The following SGCZ variants were observed in gnomAD, a reference collection of about 807,000 sequenced individuals.
SGCZ encodes sarcoglycan zeta.
Under a neutral mutation model 41.3 loss-of-function variants are expected in SGCZ, and 40 were observed. That is an observed-to-expected ratio of 0.97 (90% CI 0.75 to 1.26). SGCZ has a LOEUF of 1.26. Ranked by LOEUF, SGCZ falls within the 50% of genes most tolerant of loss-of-function variation. The pLI is 0.00. For missense variants in SGCZ, 552 were observed against 369.8 expected (o/e 1.49, Z -4.04); for synonymous variants, 206 against 137.5 (o/e 1.50, Z -3.49).
chr8:15,221,831 GT>G (rs1360166205), intron 1 of SGCZ, among the ~76,000 whole-genome samples: 1 of 152,122 alleles, frequency 6.6e-6, no homozygotes, highest in African/African-American at 2.4e-5. Flanking sequence ...ACTGCATTTC[GT>G]TTTGTTCAGA....
At chr8:14,093,101 T>A (rs898438340) in intron 7 of SGCZ, among the ~76,000 whole-genome samples, 1 of 152,070 alleles carries the variant, frequency 6.6e-6, no homozygotes, top group African/African-American at 2.4e-5. Flanking sequence ...TCTCCAGCTG[T>A]TTCTTGTTTC....
chr8:14,315,702 T>C (rs1308522007), intron 3 of SGCZ, among the ~76,000 whole-genome samples: 1 of 151,600 alleles, frequency 6.6e-6, no homozygotes, highest in Non-Finnish European at 1.5e-5. Context: ...ACAGAAAATA[T>C]TGAAAACAGA....
intron 2 of SGCZ, among the ~76,000 whole-genome samples, chr8:14,330,635 A>C (rs1414872112): frequency 1.3e-5 from 2 of 152,008 alleles, no homozygotes; most frequent in East Asian, 1.9e-4. Flanking sequence ...ATTTAAAATG[A>C]CATTTGAAAT....
intron 1 of SGCZ, among the ~76,000 whole-genome samples, chr8:14,744,351 G>C (rs1347702228): frequency 6.6e-6 from 1 of 152,054 alleles, no homozygotes; most frequent in African/African-American, 2.4e-5. Context: ...CAGGTCTATA[G>C]GCCAGAACAC....
At chr8:14,315,603 TA>T (rs1180936668) in intron 3 of SGCZ, among the ~76,000 whole-genome samples, 1 of 151,840 alleles carries the variant, frequency 6.6e-6, no homozygotes, top group African/African-American at 2.4e-5. Flanking sequence ...TACTTATAAA[TA>T]AAAAAAGTCA....
intron 1 of SGCZ, among the ~76,000 whole-genome samples, chr8:14,647,686 T>A (rs915499343): frequency 3.3e-5 from 5 of 152,030 alleles, no homozygotes; most frequent in African/African-American, 9.7e-5. Flanking sequence ...ATAAATAATC[T>A]ACATTTTAAA....
At chr8:14,458,011 T>C (rs1346683127) in intron 2 of SGCZ, among the ~76,000 whole-genome samples, 1 of 152,120 alleles carries the variant, frequency 6.6e-6, no homozygotes, top group South Asian at 2.1e-4. Flanking sequence ...AGCTGGTTCC[T>C]ACAGGGGCCT....
chr8:14,108,348 C>T (rs1802272075), intron 5 of SGCZ, 113 bp from the exon 6 acceptor site: 2 of 876,938 alleles, frequency 2.3e-6, no homozygotes, highest in East Asian at 2.6e-5. Flanking sequence ...AAAACAGGTA[C>T]ATATGATGTA....
At chr8:14,409,712 C>A (rs1324769279) in intron 2 of SGCZ, among the ~76,000 whole-genome samples, 1 of 152,126 alleles carries the variant, frequency 6.6e-6, no homozygotes, top group African/African-American at 2.4e-5. Flanking sequence ...TTGTTGAGAA[C>A]ATTCATTCAA....
rs532317412 is a variant in SGCZ at position 14,557,862 on chromosome 8, A to G, written c.40-2936T>C. On this transcript the variant is annotated intron_variant, in intron 1 of 7. Transcript: ENST00000382080. ...AAACAAACAAACAAAAATACAACAGATAAATGAAACACAAAGCTGGTTCTT... is the reference window on the plus strand; with the variant it reads ...AAACAAACAAACAAAAATACAACAGGTAAATGAAACACAAAGCTGGTTCTT... 2.6e-5 allele frequency among the ~76,000 whole-genome samples: 4 copies of G among 152,310 alleles called. No individual in the cohort carries two copies. In the East Asian group the frequency reaches 7.7e-4, roughly 29 times the overall value.
intron 2 of SGCZ, among the ~76,000 whole-genome samples, chr8:14,478,123 G>T (rs923159584): frequency 6.6e-6 from 1 of 152,242 alleles, no homozygotes; most frequent in Non-Finnish European, 1.5e-5. Context: ...CACTTTGGAA[G>T]ACAGTTTGGC....
intron 4 of SGCZ, among the ~76,000 whole-genome samples, chr8:14,205,063 A>G (rs1029374166): frequency 3.9e-5 from 6 of 152,186 alleles, no homozygotes; most frequent in African/African-American, 1.4e-4. Context: ...GTCTATCTAT[A>G]CTATTGGTTT....
At chr8:14,917,241 T>C (rs1313711991) in intron 1 of SGCZ, among the ~76,000 whole-genome samples, 1 of 152,122 alleles carries the variant, frequency 6.6e-6, no homozygotes, top group Non-Finnish European at 1.5e-5. Context: ...TTATACAGTG[T>C]TCTATGGACA....
chr8:14,925,422 C>G (rs555363928), intron 1 of SGCZ, among the ~76,000 whole-genome samples: 1 of 152,236 alleles, frequency 6.6e-6, no homozygotes, highest in African/African-American at 2.4e-5. Context: ...CAGTTTTGTC[C>G]TTTATATTTA....
chr8:15,055,749 A>C (rs1804680230), intron 1 of SGCZ, among the ~76,000 whole-genome samples: 1 of 152,154 alleles, frequency 6.6e-6, no homozygotes, highest in Admixed American at 6.5e-5. Flanking sequence ...GCTCTATCAC[A>C]TCCTTGAGAT....
At chr8:15,045,246 A>C (rs1804259789) in intron 1 of SGCZ, among the ~76,000 whole-genome samples, 1 of 152,090 alleles carries the variant, frequency 6.6e-6, no homozygotes, top group Admixed American at 6.6e-5. Context: ...GACATGATAA[A>C]ATTCAGATAG....
intron 4 of SGCZ, among the ~76,000 whole-genome samples, chr8:14,202,106 A>T (rs937280238): frequency 6.6e-6 from 1 of 151,716 alleles, no homozygotes; most frequent in Non-Finnish European, 1.5e-5. Flanking sequence ...AATAGGGAGA[A>T]TATGCTGGAT....
At chr8:14,567,778 C>A (rs1351215331) in intron 1 of SGCZ, among the ~76,000 whole-genome samples, 1 of 152,116 alleles carries the variant, frequency 6.6e-6, no homozygotes, top group African/African-American at 2.4e-5. Flanking sequence ...AGACCACGAA[C>A]CCACTGGGAG....
At chr8:14,514,730 T>C (rs896393324) in intron 2 of SGCZ, among the ~76,000 whole-genome samples, 7 of 148,522 alleles carry the variant, frequency 4.7e-5, no homozygotes, top group Non-Finnish European at 1.0e-4. Flanking sequence ...TAAACATATT[T>C]ACATATATGT....
Sources: allele counts gnomAD v4.1 joint callset (sites outside exome capture counted in the v4.1 genomes callset), GRCh38; gene constraint gnomAD v4.1.1; transcripts MANE v1.5; gene names NCBI Gene and HGNC (gene_info 2026-07-23, HGNC 2026-07-21).